LAMA1: variants seen among roughly 807,000 people sequenced by gnomAD.
LAMA1 encodes the protein laminin subunit alpha 1.
Under a neutral mutation model 348.7 loss-of-function variants are expected in LAMA1, and 219 were observed. That is an observed-to-expected ratio of 0.63 (90% confidence interval 0.56 to 0.70). The LOEUF (loss-of-function observed/expected upper bound fraction) is 0.70, where lower values mean the gene tolerates loss of function less well. Ranked by LOEUF, LAMA1 falls within the 30% of genes least tolerant of loss-of-function variation. The pLI is 0.00. For synonymous variants in LAMA1, 1,487 were observed against 1,491.0 expected (o/e 1.00, Z 0.06); for missense variants, 3,744 against 3,888.0 (o/e 0.96, Z 0.99).
chr18:6,975,033 C>T lies in LAMA1; in HGVS notation c.6493G>A (p.Asp2165Asn). 1.2e-6 allele frequency: 2 copies of T among 1,613,756 alleles called. No individual in the cohort carries two copies. The highest frequency in any genetic ancestry group is 2.2e-5 in the East Asian group (1 of 44,842). ...CGCCGCATCTCCACTGCAAGGAAAT[C>T]AGACTGGGGGGCGAGGAATGAACGG... is the stretch of plus-strand genomic sequence containing the variant. ...LFYLGSSTASDFLAVEMRRGR... is the reference protein window; with the variant it reads ...LFYLGSSTASNFLAVEMRRGR... Residue 2165 changes from aspartate to asparagine, a missense_variant, in exon 46 of 63, where the codon GAT becomes AAT. This residue lies in a region of LAMA1 where 1,983 missense variants were observed against 1,934.3 expected (regional missense o/e 1.03). Coordinates refer to ENST00000389658, the MANE Select transcript of LAMA1 (RefSeq NM_005559.4).
intron 1 of LAMA1, among the ~76,000 whole-genome samples, chr18:7,084,211 T>C (rs941357116): frequency 2.8e-4 from 42 of 151,092 alleles, no homozygotes; most frequent in Admixed American, 2.0e-4. Flanking sequence ...GACTGGTAAA[T>C]AGAATTTTTT....
chr18:6,948,855 T>C (rs892046913), intron 59 of LAMA1, among the ~76,000 whole-genome samples: 2 of 152,158 alleles, frequency 1.3e-5, no homozygotes, highest in Non-Finnish European at 2.9e-5. Flanking sequence ...CTTCCCTGAA[T>C]TGTGCTGTGG....
In LAMA1 at chr18:7,008,542, T is replaced by G. The variant is rs761632840; in HGVS notation, c.4068A>C (p.Ala1356=). The G allele has an allele frequency of 1.7e-5, 28 of 1,613,994 alleles. No homozygotes were observed. The highest frequency in any genetic ancestry group is 3.3e-5 in the Admixed American group (2 of 59,992). Residue 1356 remains alanine (A), a synonymous_variant, in exon 28 of 63, where the codon GCA becomes GCC. Coordinates refer to ENST00000389658, the MANE Select transcript of LAMA1 (RefSeq NM_005559.4). ...GACAGACACAATTCTCTAAAAGAGA[T>G]GCAACCTCTTCTTCTGGGTGCAGCT... is the stretch of plus-strand genomic sequence containing the variant. ...AEKLHPEEEV[A]SLLENCVCPP...
At position 6,986,208 on chromosome 18, in the gene LAMA1, C is replaced by T; in HGVS notation, c.5308G>A (p.Glu1770Lys). ...CTTTCCTGCATCTTTGCCTCAGCTT[C>T]CCTCACGAGCGCCTCAGCCGCCTTT... Reference protein sequence around the residue: ...ELKAAEALVREAEAKMQESNH... With the variant: ...ELKAAEALVRKAEAKMQESNH... The change falls in exon 37 of 63, where the codon GAA becomes AAA. Residue 1770 changes from glutamate to lysine, a missense_variant. Physicochemically the swap from Glu to Lys is moderately conservative, Grantham distance 56. This residue lies in a region of LAMA1 where 1,983 missense variants were observed against 1,934.3 expected (regional missense o/e 1.03). Transcript: ENST00000389658. The T allele has an allele frequency of 6.2e-7, 1 of 1,614,200 alleles. No individual in the cohort carries two copies. The highest frequency in any genetic ancestry group is 8.5e-7 in the Non-Finnish European group (1 of 1,180,024).
At chr18:7,110,898 C>A (rs1022723330) in intron 1 of LAMA1, among the ~76,000 whole-genome samples, 24 of 143,206 alleles carry the variant, frequency 1.7e-4, no homozygotes, top group Middle Eastern at 3.7e-3. Flanking sequence ...TCCCCCCCCC[C>A]ACTTCTAATT....
chr18:7,005,427 G>A (rs2057827707), intron 29 of LAMA1, among the ~76,000 whole-genome samples: 1 of 152,174 alleles, frequency 6.6e-6, no homozygotes. Flanking sequence ...ATTACTGCCT[G>A]GCATGGCTGC....
intron 3 of LAMA1, among the ~76,000 whole-genome samples, chr18:7,071,635 A>C (rs1375724243): frequency 6.6e-6 from 1 of 152,258 alleles, no homozygotes; most frequent in Admixed American, 6.5e-5. Flanking sequence ...AACAATTATT[A>C]ATCATGAGTT....
intron 22 of LAMA1, among the ~76,000 whole-genome samples, chr18:7,014,660 T>C (rs934362797): frequency 6.7e-6 from 1 of 149,988 alleles, no homozygotes; most frequent in African/African-American, 2.4e-5. Context: ...AAAAAAAAAG[T>C]AATTTCCTCT....
chr18:7,038,673 C>T, intron 11 of LAMA1, 137 bp downstream of exon 11: 1 of 1,199,588 alleles, frequency 8.3e-7, no homozygotes. Flanking sequence ...CTGCCTTTGA[C>T]CCACGTCAGT....
At chr18:6,979,686 T>C (rs181980367) in intron 42 of LAMA1, among the ~76,000 whole-genome samples, 24 of 152,064 alleles carry the variant, frequency 1.6e-4, no homozygotes, top group Admixed American at 1.0e-3. Flanking sequence ...GATCACGAGG[T>C]CAGGAGATCG....
chr18:7,088,313 T>TA (rs2058225822), intron 1 of LAMA1, among the ~76,000 whole-genome samples: 1 of 152,154 alleles, frequency 6.6e-6, no homozygotes, highest in Admixed American at 6.5e-5. Context: ...ACTGAGTACT[T>TA]ATGCCCCTGT....
intron 52 of LAMA1, 66 bp from the exon 53 acceptor site, chr18:6,961,825 G>C (rs540363787): frequency 6.3e-7 from 1 of 1,581,644 alleles, no homozygotes; most frequent in Admixed American, 1.7e-5. Flanking sequence ...CCGTGGGGAG[G>C]ACACTGCTGA....
chr18:7,079,660 T>C (rs909194888), intron 3 of LAMA1: 12 of 420,242 alleles, frequency 2.9e-5, no homozygotes, highest in Middle Eastern at 7.0e-4. Flanking sequence ...TCCCTCCCCA[T>C]GCATCTGTTG....
chr18:7,028,023 A>G (rs141016895), intron 16 of LAMA1, among the ~76,000 whole-genome samples: 1 of 152,190 alleles, frequency 6.6e-6, no homozygotes, highest in African/African-American at 2.4e-5. Flanking sequence ...GAAATGCAAG[A>G]TATAAAGTAG....
intron 46 of LAMA1, among the ~76,000 whole-genome samples, 180 bp from the exon 47 acceptor site, chr18:6,973,387 C>T (rs781738422): frequency 1.3e-5 from 2 of 152,044 alleles, no homozygotes; most frequent in African/African-American, 4.8e-5. Flanking sequence ...GTGTCTCTTC[C>T]GAAACAGAAA....
At position 6,941,784 on chromosome 18, in the gene LAMA1, C is replaced by T. The variant is rs1426329164; in HGVS notation, c.*295G>A. On this transcript the variant is annotated 3_prime_UTR_variant, in exon 63 of 63. Coordinates refer to ENST00000389658, the MANE Select transcript of LAMA1 (RefSeq NM_005559.4). ...TGTATTGATACTTTTTTAAAAAGCTCAAAATGAAAAACATAAAATACTATC... is the reference window on the plus strand; with the variant it reads ...TGTATTGATACTTTTTTAAAAAGCTTAAAATGAAAAACATAAAATACTATC... The T allele has an allele frequency of 2.6e-6, 1 of 385,248 alleles. No homozygotes were observed. The highest frequency in any genetic ancestry group is 4.9e-6 in the Non-Finnish European group (1 of 204,558). 23.9% of individuals were successfully genotyped at this position (385,248 alleles called of 1,614,324 possible). A position where few individuals can be genotyped will look rare whatever the true frequency, so the allele number is the denominator to read the frequency against.
Position 7,043,405 on chromosome 18 carries a change from G to T in LAMA1, c.977C>A (p.Ala326Glu), listed in dbSNP as rs968200888. ...TTTGGCTTTATTGTGACAATTACAT[G>T]CTAGGAGAATATTTTTAACATCTCA... ...GTVSSGNTCE[A>E]CNCHNKAKDC... The change falls in exon 8 of 63, where the codon GCA becomes GAA. Residue 326 changes from alanine to glutamate, a missense_variant and splice_region_variant. Physicochemically the swap from Ala to Glu is moderately radical, Grantham distance 107. Transcript: ENST00000389658. The T allele has an allele frequency of 1.2e-6, 2 of 1,611,768 alleles. No individual in the cohort carries two copies. The highest frequency in any genetic ancestry group is 3.3e-5 in the Admixed American group (2 of 60,016).
At chr18:7,038,221 A>G (rs1028481522) in intron 11 of LAMA1, among the ~76,000 whole-genome samples, 1 of 152,130 alleles carries the variant, frequency 6.6e-6, no homozygotes, top group Non-Finnish European at 1.5e-5. Context: ...TGGTGTCCAC[A>G]GCAGTCACTG....
chr18:7,058,093 C>T (rs7227641), intron 3 of LAMA1, among the ~76,000 whole-genome samples: 20,179 of 152,020 alleles, frequency 0.13, 4,327 homozygotes, highest in African/African-American at 0.46. Flanking sequence ...TGAGCCTCCG[C>T]GCCTGGCCCA....
Sources: allele counts gnomAD v4.1 joint callset (sites outside exome capture counted in the v4.1 genomes callset), GRCh38; gene constraint gnomAD v4.1.1; regional missense constraint gnomAD v4.1.1; transcripts MANE v1.5; gene names NCBI Gene and HGNC (gene_info 2026-07-23, HGNC 2026-07-21).